The following EIPR1 variants were observed in gnomAD, a reference collection of about 807,000 sequenced individuals.
EIPR1 encodes EARP and GARP complex-interacting protein 1.
In EIPR1, 25 loss-of-function variants were observed where a neutral mutation model predicts 48.1. The observed-to-expected ratio is 0.52, with a 90% confidence interval of 0.38 to 0.73. The LOEUF (loss-of-function observed/expected upper bound fraction) is 0.73. EIPR1 is among the 30% of genes least tolerant of loss of function. The probability of loss-of-function intolerance (pLI) is 0.00; values close to 1 mark genes in which losing one functional copy is unlikely to be tolerated. For synonymous variants in EIPR1, 204 were observed against 201.9 expected, an observed-to-expected ratio of 1.01 and a Z score of -0.09; for missense variants, 415 against 506.2, an observed-to-expected ratio of 0.82 and a Z score of 1.73.
chr2:3,308,638 G>A (rs112145949), intron 3 of EIPR1, among the ~76,000 whole-genome samples: 1,591 of 152,258 alleles, frequency 0.01, 37 homozygotes, highest in African/African-American at 0.036. Context: ...GGTGAAGGAC[G>A]TTGCCTACAG....
intron 4 of EIPR1, among the ~76,000 whole-genome samples, chr2:3,256,828 A>T (rs2103218856): frequency 1.3e-5 from 2 of 152,370 alleles, no homozygotes; most frequent in South Asian, 4.1e-4. Context: ...AGCCACGTGA[A>T]TGACACACCA....
At chr2:3,306,599 A>G (rs1668951806) in intron 3 of EIPR1, among the ~76,000 whole-genome samples, 1 of 152,274 alleles carries the variant, frequency 6.6e-6, no homozygotes, top group Non-Finnish European at 1.5e-5. Context: ...CAAATGTATT[A>G]CAGACTATAT....
intron 1 of EIPR1, among the ~76,000 whole-genome samples, chr2:3,362,270 G>T (rs1670869260): frequency 6.6e-6 from 1 of 151,598 alleles, no homozygotes; most frequent in South Asian, 2.1e-4. Flanking sequence ...TCATACACAG[G>T]GGGATGTGCC....
intron 2 of EIPR1, among the ~76,000 whole-genome samples, chr2:3,338,655 GGA>G (rs1391972906): frequency 6.6e-6 from 1 of 152,170 alleles, no homozygotes; most frequent in Non-Finnish European, 1.5e-5. Flanking sequence ...GATTAAGGTG[GGA>G]GAGAGTGAGA....
intron 1 of EIPR1, among the ~76,000 whole-genome samples, chr2:3,366,285 G>A (rs1230829985): frequency 2.0e-5 from 3 of 152,196 alleles, no homozygotes; most frequent in Non-Finnish European, 2.9e-5. Context: ...TCCAGCCTGG[G>A]TGACAGCAAA....
chr2:3,229,857 G>C (rs1292465806), intron 4 of EIPR1, among the ~76,000 whole-genome samples: 3 of 152,168 alleles, frequency 2.0e-5, no homozygotes, highest in African/African-American at 7.2e-5. Flanking sequence ...GTACTCTTCT[G>C]TTTCACACTT....
At position 3,216,709 on chromosome 2, in the gene EIPR1, C is replaced by T. The variant is rs1386583742; in HGVS notation, c.417-2461G>A. Among the ~76,000 whole-genome samples, 3 of 152,206 alleles carry T rather than the reference C, an allele frequency of 2.0e-5. No individual in the cohort carries two copies. In the East Asian group the frequency reaches 5.8e-4, roughly 29 times the overall value. The stretch of plus-strand genomic sequence containing the variant: ...TTAAAGGTTTCTGAATCATACACCC[C>T]ATCTATTAAAACTCTTCTATGTTCC... On this transcript the variant is annotated intron_variant, in intron 4 of 8. Transcript: ENST00000382125.
intron 3 of EIPR1, among the ~76,000 whole-genome samples, chr2:3,281,734 C>T (rs926903286): frequency 4.2e-4 from 64 of 152,278 alleles, no homozygotes; most frequent in African/African-American, 1.3e-3. Context: ...TTTACCTGTC[C>T]AACCATCCCA....
rs1289467925 is a variant in EIPR1 at position 3,246,857 on chromosome 2, A to AAGGG, written c.416+10438_416+10441dup. Among the ~76,000 whole-genome samples, 4 of 15,456 alleles carry AAGGG rather than the reference A, an allele frequency of 2.6e-4. No individual in the cohort carries two copies. In the East Asian group the frequency reaches 6.8e-3, roughly 26 times the overall value. The allele number at this position is 15,456 out of a possible 152,430, so 10.1% of individuals were successfully genotyped here. ...GGAAGGAGGAAGGGAGGGAAGGAGG[A>AAGGG]AGGGAGGGAAGGAGGGAGGGAGGGA... is the stretch of plus-strand genomic sequence containing the variant. On this transcript the variant is annotated intron_variant, in intron 4 of 8. Transcript: ENST00000382125.
intron 2 of EIPR1, among the ~76,000 whole-genome samples, chr2:3,353,743 A>G (rs1480455183): frequency 6.6e-6 from 1 of 152,160 alleles, no homozygotes; most frequent in African/African-American, 2.4e-5. Context: ...GTTGCCAATG[A>G]CTATGCTGAC....
rs34364518 is a variant in EIPR1, at chr2:3,196,522, G to A, written c.653+359C>T. The stretch of plus-strand genomic sequence containing the variant: ...CGACCCCAGGAGAGACTTAACCTGG[G>A]GACTGCAGCTGTCAGCCTGCAGCGG... On this transcript the variant is annotated intron_variant, in intron 6 of 8. Transcript: ENST00000382125. 1.1e-3 allele frequency among the ~76,000 whole-genome samples: 172 copies of A among 152,264 alleles called. 1 individual carries two copies. The highest frequency in any genetic ancestry group is 6.8e-3 in the Middle Eastern group (2 of 294).
intron 3 of EIPR1, among the ~76,000 whole-genome samples, chr2:3,304,141 C>T (rs898070063): frequency 2.0e-5 from 3 of 152,212 alleles, no homozygotes; most frequent in Admixed American, 6.5e-5. Flanking sequence ...GGACAGGCAG[C>T]GGTGAAGCCA....
intron 1 of EIPR1, among the ~76,000 whole-genome samples, chr2:3,373,571 T>C (rs1409877616): frequency 3.9e-5 from 6 of 151,986 alleles, no homozygotes. Flanking sequence ...ACAAGCATTC[T>C]TATACACCAA....
intron 3 of EIPR1, among the ~76,000 whole-genome samples, chr2:3,284,416 T>C (rs913032917): frequency 1.5e-4 from 17 of 114,756 alleles, no homozygotes; most frequent in African/African-American, 5.8e-4. Flanking sequence ...CACATGGAGA[T>C]GGGGCCGGAG....
intron 4 of EIPR1, among the ~76,000 whole-genome samples, chr2:3,247,739 G>A (rs1426027264): frequency 6.6e-6 from 1 of 152,126 alleles, no homozygotes; most frequent in Admixed American, 6.6e-5. Context: ...TTGACTCAGG[G>A]AGAAACCTAA....
chr2:3,364,218 AT>A (rs1553306184), intron 1 of EIPR1, among the ~76,000 whole-genome samples: 2 of 152,236 alleles, frequency 1.3e-5, no homozygotes, highest in Non-Finnish European at 2.9e-5. Flanking sequence ...ACCCGTGGGT[AT>A]ACTGCAGCAT....
chr2:3,209,993 G>C (rs1665387547), intron 5 of EIPR1, among the ~76,000 whole-genome samples: 1 of 152,138 alleles, frequency 6.6e-6, no homozygotes, highest in Admixed American at 6.5e-5. Flanking sequence ...AGAACATCCA[G>C]CACCAAGAGG....
At chr2:3,279,721 C>T (rs17263568) in intron 3 of EIPR1, among the ~76,000 whole-genome samples, 4,224 of 152,368 alleles carry the variant, frequency 0.028, 78 homozygotes, top group Middle Eastern at 0.048. Flanking sequence ...GCCTGCTCAT[C>T]TGTGCAACTG....
chr2:3,377,326 C>T (rs1659921789), intron 1 of EIPR1: 1 of 362,918 alleles, frequency 2.8e-6, no homozygotes, highest in East Asian at 4.2e-5. Context: ...TTCCTACCTT[C>T]AGGAACTCAA....
Sources: allele counts gnomAD v4.1 joint callset (sites outside exome capture counted in the v4.1 genomes callset), GRCh38; gene constraint gnomAD v4.1.1; transcripts MANE v1.5; gene names NCBI Gene and HGNC (gene_info 2026-07-23, HGNC 2026-07-21).